CSNK1G3: variants seen among roughly 807,000 people sequenced by gnomAD.
CSNK1G3 encodes casein kinase I isoform gamma-3.
CSNK1G3 carries 23 observed loss-of-function variants against 64.3 expected under a neutral mutation model. The observed-to-expected ratio is 0.36, with a 90% CI of 0.26 to 0.51. CSNK1G3 has a LOEUF of 0.51. Among genes scored for constraint, CSNK1G3 ranks in the 20% least tolerant of loss-of-function variants. The probability of loss-of-function intolerance (pLI) is 0.96; values close to 1 mark genes in which losing one functional copy is unlikely to be tolerated. For missense variants in CSNK1G3, 357 were observed against 510.5 expected (o/e 0.70, Z 2.90); for synonymous variants, 158 against 162.2 (o/e 0.97, Z 0.20).
At chr5:123,523,360 A>C (rs1046625410) in intron 1 of CSNK1G3, among the ~76,000 whole-genome samples, 1 of 152,234 alleles carries the variant, frequency 6.6e-6, no homozygotes, top group Non-Finnish European at 1.5e-5. Flanking sequence ...GGACAAAATT[A>C]GGGTCCTTTT....
At chr5:123,604,291 A>G (rs1242349015) in intron 10 of CSNK1G3, among the ~76,000 whole-genome samples, 1 of 152,116 alleles carries the variant, frequency 6.6e-6, no homozygotes, top group Non-Finnish European at 1.5e-5. Flanking sequence ...AGACTTGAGC[A>G]TAATTGCAGA....
rs573813655 is a variant in CSNK1G3, at chr5:123,513,500, C to A, written c.-248+930C>A. ...ACTTTCAACTCTTTTGTAGTAAGCA[C>A]CCAGGCTGGTCAGTGGCTCCTTTTA... On this transcript the variant is annotated intron_variant, in intron 1 of 12. Transcript: ENST00000345990. 1.7e-4 allele frequency among the ~76,000 whole-genome samples: 26 copies of A among 152,168 alleles called. No homozygotes were observed. In the East Asian group the frequency reaches 4.4e-3, roughly 26 times the overall value.
At chr5:123,598,040 CTTTAG>C (rs1793761266) in intron 10 of CSNK1G3, among the ~76,000 whole-genome samples, 1 of 152,234 alleles carries the variant, frequency 6.6e-6, no homozygotes, top group African/African-American at 2.4e-5. Context: ...TATTTTATCT[CTTTAG>C]TTCAGTCATG....
At chr5:123,545,062 A>G (rs1425895285) in intron 1 of CSNK1G3, among the ~76,000 whole-genome samples, 3 of 152,116 alleles carry the variant, frequency 2.0e-5, no homozygotes, top group Non-Finnish European at 2.9e-5. Context: ...CTACTTTTAA[A>G]TTGAAAATCT....
intron 12 of CSNK1G3, among the ~76,000 whole-genome samples, chr5:123,608,818 C>T (rs1182976711): frequency 2.6e-5 from 4 of 152,068 alleles, no homozygotes; most frequent in African/African-American, 9.7e-5. Flanking sequence ...TAAAAAACTT[C>T]TAAGGTGACT....
intron 1 of CSNK1G3, among the ~76,000 whole-genome samples, chr5:123,525,089 A>G (rs956229029): frequency 6.6e-6 from 1 of 152,200 alleles, no homozygotes; most frequent in African/African-American, 2.4e-5. Flanking sequence ...AGTTCGTATC[A>G]TATTTTCTGT....
intron 6 of CSNK1G3, among the ~76,000 whole-genome samples, chr5:123,585,409 G>A (rs1579036): frequency 0.36 from 54,655 of 151,824 alleles, 10,098 homozygotes; most frequent in African/African-American, 0.44. Flanking sequence ...CTTGTGGGTA[G>A]AGATTTCCTA....
intron 1 of CSNK1G3, among the ~76,000 whole-genome samples, chr5:123,536,702 A>G (rs1419476334): frequency 1.3e-5 from 2 of 152,094 alleles, no homozygotes; most frequent in East Asian, 1.9e-4. Flanking sequence ...TAAAACTTCT[A>G]AAATAAAATA....
Position 123,553,158 on chromosome 5 carries a change from G to T in CSNK1G3, c.219+11G>T. 7.5e-7 allele frequency: 1 copy of T among 1,335,864 alleles called. No homozygotes were observed. The highest frequency in any genetic ancestry group is 1.0e-6 in the Non-Finnish European group (1 of 986,892). The allele number at this position is 1,335,864 out of a possible 1,614,324, so 82.8% of individuals were successfully genotyped here. ...GTGGCAATTAAGTTGGTAAGTTCCT[G>T]TTTCTTAATTTTTCTTAATGATTTC... is the stretch of plus-strand genomic sequence containing the variant. On this transcript the variant is annotated intron_variant, in intron 3 of 12. Coordinates refer to ENST00000345990, the Ensembl canonical transcript of CSNK1G3.
At chr5:123,586,519 A>G (rs560584539) in intron 6 of CSNK1G3, among the ~76,000 whole-genome samples, 2 of 152,196 alleles carry the variant, frequency 1.3e-5, no homozygotes, top group African/African-American at 2.4e-5. Context: ...GCTATTTTTA[A>G]TAGCATATAC....
intron 1 of CSNK1G3, among the ~76,000 whole-genome samples, chr5:123,538,905 G>A (rs879943099): frequency 2.0e-5 from 3 of 152,006 alleles, no homozygotes; most frequent in East Asian, 1.9e-4. Flanking sequence ...TGATTTTAGC[G>A]TCTTCTAAGA....
intron 4 of CSNK1G3, among the ~76,000 whole-genome samples, chr5:123,560,272 G>A (rs1785421112): frequency 6.6e-6 from 1 of 152,022 alleles, no homozygotes; most frequent in Admixed American, 6.6e-5. Flanking sequence ...GTGCATTGGT[G>A]TAAAAATTTA....
intron 8 of CSNK1G3, among the ~76,000 whole-genome samples, 174 bp downstream of exon 8, chr5:123,588,685 T>C (rs767726934): frequency 9.9e-5 from 15 of 152,222 alleles, no homozygotes; most frequent in Admixed American, 2.0e-4. Flanking sequence ...GTGTATTTGC[T>C]TTGCAAATGG....
intron 2 of CSNK1G3, among the ~76,000 whole-genome samples, chr5:123,547,888 T>C (rs188144583): frequency 1.6e-4 from 25 of 152,254 alleles, no homozygotes; most frequent in Non-Finnish European, 2.9e-4. Flanking sequence ...GAAAATGTTA[T>C]TATGAGCATT....
chr5:123,570,282 C>T (rs140216036), intron 4 of CSNK1G3, among the ~76,000 whole-genome samples: 167 of 151,520 alleles, frequency 1.1e-3, no homozygotes, highest in African/African-American at 3.7e-3. Context: ...TTCTCAACAA[C>T]GTTAACTATT....
intron 4 of CSNK1G3, among the ~76,000 whole-genome samples, chr5:123,566,734 G>A (rs1786959224): frequency 6.6e-6 from 1 of 152,010 alleles, no homozygotes. Flanking sequence ...ATAGTTTGGT[G>A]TAAATATCAT....
chr5:123,611,557 C>T (rs1367607101), intron 12 of CSNK1G3, among the ~76,000 whole-genome samples: 3 of 152,146 alleles, frequency 2.0e-5, no homozygotes, highest in South Asian at 2.1e-4. Context: ...ACTCTCAGTA[C>T]TGGAAATACA....
At chr5:123,534,217 A>T (rs1388119647) in intron 1 of CSNK1G3, among the ~76,000 whole-genome samples, 1 of 152,108 alleles carries the variant, frequency 6.6e-6, no homozygotes, top group Non-Finnish European at 1.5e-5. Context: ...AGAAATTTCC[A>T]AGTCTAATCC....
chr5:123,591,647 TAGAA>T (rs756983482), intron 10 of CSNK1G3, among the ~76,000 whole-genome samples: 7 of 152,106 alleles, frequency 4.6e-5, no homozygotes, highest in Admixed American at 6.6e-5. Flanking sequence ...GATATTCTGT[TAGAA>T]TGGAAGTATT....
Sources: allele counts gnomAD v4.1 joint callset (sites outside exome capture counted in the v4.1 genomes callset), GRCh38; gene constraint gnomAD v4.1.1; transcripts MANE v1.5; gene names NCBI Gene and HGNC (gene_info 2026-07-23, HGNC 2026-07-21).